The following ZNF236 variants were observed in gnomAD, a reference collection of about 807,000 sequenced individuals.
The protein encoded by ZNF236 is regulated by glucose.
ZNF236 carries 50 observed loss-of-function variants against 191.2 expected under a neutral mutation model. The observed-to-expected ratio is 0.26, with a 90% CI of 0.21 to 0.33. The LOEUF (loss-of-function observed/expected upper bound fraction) is 0.33, where lower values mean the gene tolerates loss of function less well. Among genes scored for constraint, ZNF236 ranks in the 10% least tolerant of loss-of-function variants. The probability of loss-of-function intolerance (pLI) is 1.00; values close to 1 mark genes in which losing one functional copy is unlikely to be tolerated. For synonymous variants in ZNF236, 907 were observed against 928.8 expected, an observed-to-expected ratio of 0.98 and a Z score of 0.43; for missense variants, 1,754 against 2,374.5, an observed-to-expected ratio of 0.74 and a Z score of 5.43.
At chr18:76,896,643 C>T (rs1162194530) in intron 10 of ZNF236, among the ~76,000 whole-genome samples, 1 of 148,468 alleles carries the variant, frequency 6.7e-6, no homozygotes, top group South Asian at 2.2e-4. Context: ...GTGCCAAACA[C>T]AGTACTGCAC....
At chr18:76,905,118 A>G in intron 12 of ZNF236, 37 bp from the exon 13 acceptor site, 1 of 1,566,882 alleles carries the variant, frequency 6.4e-7, no homozygotes, top group Non-Finnish European at 8.7e-7. Context: ...TAAAAGTATA[A>G]GAAACATATT....
chr18:76,901,575 TG>T (rs1351417621), intron 11 of ZNF236, among the ~76,000 whole-genome samples: 5 of 152,112 alleles, frequency 3.3e-5, no homozygotes, highest in African/African-American at 1.2e-4. Flanking sequence ...CTGGCCAACA[TG>T]GCAAAACCCC....
intron 9 of ZNF236, among the ~76,000 whole-genome samples, chr18:76,893,125 C>T (rs148721666): frequency 7.9e-5 from 12 of 152,182 alleles, no homozygotes; most frequent in African/African-American, 1.9e-4. Flanking sequence ...TGTCATCCTG[C>T]GTAACTTGAG....
At chr18:76,940,839 C>T (rs894972213) in intron 26 of ZNF236, among the ~76,000 whole-genome samples, 1 of 152,204 alleles carries the variant, frequency 6.6e-6, no homozygotes, top group Non-Finnish European at 1.5e-5. Context: ...CTGTTAGCAT[C>T]CAGGCCGCAC....
Position 76,904,370 on chromosome 18 carries a change from T to C in ZNF236, c.1895-10T>C, listed in dbSNP as rs1461658698. The C allele has an allele frequency of 6.3e-7, 1 of 1,587,706 alleles. No homozygotes were observed. Among genetic ancestry groups the C allele is most frequent in the African/African-American group, 1.4e-5 (1 of 73,518 alleles). ...CAGTGAATTACATCTGCTTTTCTTT[T>C]GCTTTGTAGGTCTCATCCAGCCCAT... On this transcript the variant is annotated splice_polypyrimidine_tract_variant and intron_variant, in intron 11 of 30. Coordinates refer to ENST00000320610, the MANE Select transcript of ZNF236 (RefSeq NM_001306089.2).
chr18:76,928,754 A>T (rs747042530), intron 25 of ZNF236, among the ~76,000 whole-genome samples: 1 of 151,992 alleles, frequency 6.6e-6, no homozygotes, highest in African/African-American at 2.4e-5. Flanking sequence ...TTCGGATCTC[A>T]GTGAGCATTG....
intron 3 of ZNF236, among the ~76,000 whole-genome samples, chr18:76,857,732 T>G (rs1976086367): frequency 6.6e-6 from 1 of 152,222 alleles, no homozygotes; most frequent in Non-Finnish European, 1.5e-5. Flanking sequence ...GTCTCTGCTG[T>G]GTCTCTCTTT....
intron 26 of ZNF236, among the ~76,000 whole-genome samples, chr18:76,943,196 A>G (rs1968181368): frequency 6.6e-6 from 1 of 151,162 alleles, no homozygotes; most frequent in Admixed American, 6.6e-5. Context: ...ATATGTTTTT[A>G]TAAGTCCATA....
At chr18:76,890,252 T>G (rs570916418) in intron 9 of ZNF236, among the ~76,000 whole-genome samples, 5 of 152,336 alleles carry the variant, frequency 3.3e-5, no homozygotes, top group African/African-American at 1.2e-4. Context: ...TTTCTGAGAG[T>G]GACTTGTAGA....
intron 26 of ZNF236, among the ~76,000 whole-genome samples, chr18:76,937,643 G>A (rs1309012465): frequency 6.6e-6 from 1 of 151,860 alleles, no homozygotes; most frequent in East Asian, 1.9e-4. Context: ...GAATGTATAA[G>A]GTACATAGTT....
intron 19 of ZNF236, among the ~76,000 whole-genome samples, chr18:76,918,270 T>C (rs940865029): frequency 1.2e-4 from 18 of 152,212 alleles, no homozygotes; most frequent in Admixed American, 1.2e-3. Context: ...AGCTGAGGAT[T>C]GGTTCCTGGA....
At chr18:76,968,123 CTCTT>C in intron 30 of ZNF236, 88 bp from the exon 31 acceptor site, 1 of 1,497,534 alleles carries the variant, frequency 6.7e-7, no homozygotes, top group South Asian at 1.2e-5. Flanking sequence ...AATTCCTTGT[CTCTT>C]TCTACCAGAA....
chr18:76,940,630 AG>A (rs1968114180), intron 26 of ZNF236, among the ~76,000 whole-genome samples: 1 of 152,250 alleles, frequency 6.6e-6, no homozygotes, highest in South Asian at 2.1e-4. Flanking sequence ...AGTGATTATG[AG>A]AGCGTATTTT....
intron 1 of ZNF236, among the ~76,000 whole-genome samples, chr18:76,830,718 T>G (rs952765561): frequency 2.6e-5 from 4 of 152,244 alleles, no homozygotes; most frequent in African/African-American, 9.6e-5. Flanking sequence ...AAAGCCGTCC[T>G]GGGCTGCATG....
intron 7 of ZNF236, among the ~76,000 whole-genome samples, chr18:76,879,545 C>T (rs537962857): frequency 8.1e-4 from 124 of 152,294 alleles, no homozygotes; most frequent in Middle Eastern, 3.4e-3. Flanking sequence ...CTCACAGTGT[C>T]GTATGGGTAG....
chr18:76,865,789 G>GT (rs1220965405), intron 3 of ZNF236, among the ~76,000 whole-genome samples: 1 of 152,178 alleles, frequency 6.6e-6, no homozygotes, highest in Non-Finnish European at 1.5e-5. Context: ...GTTAAAATGG[G>GT]TGCATTTGTT....
intron 3 of ZNF236, among the ~76,000 whole-genome samples, chr18:76,854,493 C>T (rs1975986471): frequency 1.3e-5 from 2 of 151,086 alleles, no homozygotes; most frequent in Non-Finnish European, 2.9e-5. Context: ...GTGGGTGTGG[C>T]AGCTCATGCT....
At chr18:76,886,513 G>A in intron 9 of ZNF236, 1 of 193,816 alleles carries the variant, frequency 5.2e-6, no homozygotes, top group Admixed American at 5.7e-5. Context: ...GGGGCACCAT[G>A]AGATCCTGGA....
chr18:76,885,480 C>G (rs1443343869), intron 9 of ZNF236: 1 of 154,750 alleles, frequency 6.5e-6, no homozygotes, highest in African/African-American at 2.4e-5. Context: ...GAGACAGTAA[C>G]CAGCACTCAT....
Sources: gnomAD v4.1 joint callset for allele counts (sites outside exome capture counted in the v4.1 genomes callset) on GRCh38, gnomAD v4.1.1 for gene constraint, MANE v1.5 for transcripts, NCBI Gene and HGNC (gene_info 2026-07-23, HGNC 2026-07-21) for gene names.